The following CDH13 variants were observed in gnomAD, a reference collection of about 807,000 sequenced individuals.
CDH13 encodes the protein cadherin 13.
In CDH13, 24 loss-of-function variants were observed where a neutral mutation model predicts 63.8. That is an observed-to-expected ratio of 0.38 (90% CI 0.27 to 0.53). CDH13 has a LOEUF of 0.53. Among genes scored for constraint, CDH13 ranks in the 20% least tolerant of loss-of-function variants. The pLI, the probability that CDH13 is intolerant of heterozygous loss-of-function variation, is 0.85. For synonymous variants in CDH13, 503 were observed against 355.3 expected (o/e 1.42, Z -4.67); for missense variants, 1,049 against 903.1 (o/e 1.16, Z -2.07).
At chr16:82,828,506 A>T (rs1402425807) in intron 1 of CDH13, among the ~76,000 whole-genome samples, 4 of 152,194 alleles carry the variant, frequency 2.6e-5, no homozygotes, top group African/African-American at 9.6e-5. Flanking sequence ...AATCCCACCT[A>T]ATCCCAGCTA....
At chr16:83,586,378 A>G (rs928551383) in intron 7 of CDH13, among the ~76,000 whole-genome samples, 1 of 152,214 alleles carries the variant, frequency 6.6e-6, no homozygotes, top group African/African-American at 2.4e-5. Context: ...GAGGAAAGGC[A>G]GAGACTCCGT....
At chr16:83,350,459 G>C (rs2090929732) in intron 6 of CDH13, among the ~76,000 whole-genome samples, 1 of 152,242 alleles carries the variant, frequency 6.6e-6, no homozygotes, top group Non-Finnish European at 1.5e-5. Context: ...TCTTGAGGCT[G>C]TTGAAGACAA....
At chr16:82,715,909 C>T (rs909410146) in intron 1 of CDH13, among the ~76,000 whole-genome samples, 9 of 152,180 alleles carry the variant, frequency 5.9e-5, no homozygotes, top group Non-Finnish European at 8.8e-5. Flanking sequence ...CTTCTTTAGC[C>T]ACATCACAGT....
chr16:83,792,412 A>G (rs1044567082), intron 13 of CDH13, among the ~76,000 whole-genome samples: 2 of 152,246 alleles, frequency 1.3e-5, no homozygotes, highest in Admixed American at 1.3e-4. Context: ...TCTAATTTGA[A>G]AACAAGAGAT....
Position 83,105,408 on chromosome 16 carries a change from C to T in CDH13, c.367-19977C>T, listed in dbSNP as rs913441691. Among the ~76,000 whole-genome samples, 7 of 152,316 alleles carry T rather than the reference C, an allele frequency of 4.6e-5. No individual in the cohort carries two copies. The East Asian group carries it at 1.4e-3, about 29-fold the overall frequency. ...GAGGCTGAGCGCAGGGTGGCTGCAC[C>T]ATCCACATCAACAGCCAGCACTGCC... On this transcript the variant is annotated intron_variant, in intron 3 of 13. Coordinates refer to ENST00000567109, the MANE Select transcript of CDH13 (RefSeq NM_001257.5).
intron 1 of CDH13, among the ~76,000 whole-genome samples, chr16:82,786,941 C>T (rs1163740534): frequency 6.6e-6 from 1 of 152,144 alleles, no homozygotes; most frequent in Non-Finnish European, 1.5e-5. Flanking sequence ...AGCAAGGAAG[C>T]ATCCTCTACT....
intron 6 of CDH13, among the ~76,000 whole-genome samples, chr16:83,371,038 G>T (rs972065509): frequency 6.6e-6 from 1 of 152,150 alleles, no homozygotes; most frequent in South Asian, 2.1e-4. Context: ...AACGAAACAG[G>T]TGCTGGCAAG....
chr16:83,592,657 A>T (rs890934229), intron 7 of CDH13, among the ~76,000 whole-genome samples: 2 of 152,172 alleles, frequency 1.3e-5, no homozygotes, highest in African/African-American at 4.8e-5. Context: ...TATGTCTAAG[A>T]GACAGTGTTT....
rs146318440 is a variant in CDH13, at chr16:83,486,038, G to A, written c.782-439G>A. On this transcript the variant is annotated intron_variant, in intron 6 of 13. Transcript: ENST00000567109. ...CACAACTGTAATCCCAGCTACTTAGGAGGCTGAGGCAGGAGAATCACTTGA... is the reference window on the plus strand; with the variant it reads ...CACAACTGTAATCCCAGCTACTTAGAAGGCTGAGGCAGGAGAATCACTTGA... Among the ~76,000 whole-genome samples the A allele has an allele frequency of 6.4e-3, 971 of 152,236 alleles. 6 individuals are homozygous for A. The highest frequency in any genetic ancestry group is 0.011 in the Non-Finnish European group (736 of 68,006).
chr16:83,507,504 T>C (rs952915180), intron 7 of CDH13, among the ~76,000 whole-genome samples: 4 of 152,226 alleles, frequency 2.6e-5, no homozygotes, highest in African/African-American at 9.6e-5. Context: ...GTCCCATTCT[T>C]AACAGTACAA....
intron 1 of CDH13, among the ~76,000 whole-genome samples, chr16:82,782,117 A>G (rs1049087375): frequency 6.6e-6 from 1 of 152,150 alleles, no homozygotes; most frequent in Non-Finnish European, 1.5e-5. Context: ...AGAAATATGG[A>G]TATGTAGGAG....
intron 4 of CDH13, among the ~76,000 whole-genome samples, chr16:83,149,904 C>G (rs1283847256): frequency 2.6e-5 from 4 of 152,046 alleles, no homozygotes; most frequent in East Asian, 3.9e-4. Context: ...TTTCTTCTTC[C>G]CAGAGAATTG....
intron 1 of CDH13, among the ~76,000 whole-genome samples, chr16:82,701,997 C>G (rs2031068920): frequency 6.6e-6 from 1 of 152,150 alleles, no homozygotes; most frequent in African/African-American, 2.4e-5. Flanking sequence ...AAGCGGCTTA[C>G]AAAGAGCAAA....
chr16:82,997,476 A>G (rs1912375426), intron 2 of CDH13, among the ~76,000 whole-genome samples: 1 of 152,228 alleles, frequency 6.6e-6, no homozygotes, highest in African/African-American at 2.4e-5. Context: ...AATAAAAATT[A>G]GTGCAAAAAT....
intron 2 of CDH13, among the ~76,000 whole-genome samples, chr16:82,862,719 C>A (rs971075146): frequency 1.3e-5 from 2 of 152,206 alleles, no homozygotes; most frequent in African/African-American, 4.8e-5. Flanking sequence ...TTAACAAGAG[C>A]AGGCTAGGCT....
intron 7 of CDH13, among the ~76,000 whole-genome samples, chr16:83,492,972 G>A (rs2074049676): frequency 6.6e-6 from 1 of 152,176 alleles, no homozygotes; most frequent in Non-Finnish European, 1.5e-5. Flanking sequence ...TGGCTTCAGA[G>A]AAATGGGCCA....
At position 83,081,448 on chromosome 16, in the gene CDH13, T is replaced by C. The variant is rs139307520; in HGVS notation, c.367-43937T>C. 2.9e-3 allele frequency among the ~76,000 whole-genome samples: 436 copies of C among 152,302 alleles called. 5 individuals carry two copies. Among genetic ancestry groups the C allele is most frequent in the Non-Finnish European group, 4.8e-3 (328 of 68,024 alleles). On this transcript the variant is annotated intron_variant, in intron 3 of 13. Coordinates refer to ENST00000567109, the MANE Select transcript of CDH13 (RefSeq NM_001257.5). Reference sequence around the variant, plus strand: ...GATCATATTACCAGCGTTTAGAGAATAGGGTATACACATGCTTTTAAATGC... The same window carrying C: ...GATCATATTACCAGCGTTTAGAGAACAGGGTATACACATGCTTTTAAATGC...
intron 4 of CDH13, among the ~76,000 whole-genome samples, chr16:83,190,822 C>A (rs2038674386): frequency 6.6e-6 from 1 of 152,180 alleles, no homozygotes; most frequent in East Asian, 1.9e-4. Flanking sequence ...CCTGCTCAAC[C>A]AAACAGCCAA....
chr16:82,731,980 C>T (rs923799668), intron 1 of CDH13, among the ~76,000 whole-genome samples: 23 of 152,138 alleles, frequency 1.5e-4, no homozygotes, highest in Admixed American at 6.6e-4. Flanking sequence ...CTTCCCTTTG[C>T]CTACCTAACT....
Sources: allele counts gnomAD v4.1 joint callset (sites outside exome capture counted in the v4.1 genomes callset), GRCh38; gene constraint gnomAD v4.1.1; transcripts MANE v1.5; gene names NCBI Gene and HGNC (gene_info 2026-07-23, HGNC 2026-07-21).